CMIP: variants seen among roughly 807,000 people sequenced by gnomAD.
CMIP encodes the protein c-Maf inducing protein, also known as C-Maf-inducing protein.
Under a neutral mutation model 97.3 loss-of-function variants are expected in CMIP, and 13 were observed. The ratio of observed to expected loss-of-function variants is 0.13; its 90% CI spans 0.09 to 0.21. CMIP has a LOEUF of 0.21. CMIP is among the 10% of genes least tolerant of loss of function. The probability of loss-of-function intolerance (pLI) is 1.00; values close to 1 mark genes in which losing one functional copy is unlikely to be tolerated. For synonymous variants in CMIP, 538 were observed against 436.3 expected (o/e 1.23, Z -2.91); for missense variants, 847 against 1,024.9 (o/e 0.83, Z 2.37).
intron 3 of CMIP, among the ~76,000 whole-genome samples, chr16:81,629,791 C>T (rs1043334281): frequency 6.6e-6 from 1 of 152,230 alleles, no homozygotes; most frequent in African/African-American, 2.4e-5. Context: ...CAGAATCGTC[C>T]GTGAAGAGGC....
At chr16:81,588,921 C>G (rs2091424975) in intron 1 of CMIP, among the ~76,000 whole-genome samples, 1 of 152,120 alleles carries the variant, frequency 6.6e-6, no homozygotes, top group South Asian at 2.1e-4. Flanking sequence ...AACTGGCTCT[C>G]TAGCTGGGAG....
intron 1 of CMIP, chr16:81,476,458 G>A: frequency 7.0e-6 from 6 of 860,348 alleles, no homozygotes; most frequent in African/African-American, 4.8e-5. Context: ...CAGCTCGAAG[G>A]AGATGCGGCC....
chr16:81,581,898 T>G (rs1385642574), intron 1 of CMIP, among the ~76,000 whole-genome samples: 1 of 152,144 alleles, frequency 6.6e-6, no homozygotes, highest in Non-Finnish European at 1.5e-5. Context: ...TCTAAAGAAA[T>G]ACCTGAGACT....
chr16:81,519,350 G>C (rs888070341), intron 1 of CMIP: 1 of 152,240 alleles, frequency 6.6e-6, no homozygotes, highest in Admixed American at 6.5e-5. Flanking sequence ...ATTTTTGCTA[G>C]TACTTGCTAA....
chr16:81,597,366 A>G (rs2091574597), intron 1 of CMIP, among the ~76,000 whole-genome samples: 2 of 152,116 alleles, frequency 1.3e-5, no homozygotes, highest in Non-Finnish European at 2.9e-5. Context: ...TTAACTTACT[A>G]GTTGCCTGTA....
In CMIP at chr16:81,710,287, C is replaced by T. The variant is rs958709267; in HGVS notation, c.*488C>T. ...CACATCACTGCACCCGTCCTGTGTC[C>T]TCACCATTGCTATGCAAAGTGATTC... is the stretch of plus-strand genomic sequence containing the variant. On this transcript the variant is annotated 3_prime_UTR_variant, in exon 21 of 21. Coordinates refer to ENST00000537098, the MANE Select transcript of CMIP (RefSeq NM_198390.3). 5.9e-6 allele frequency: 1 copy of T among 169,014 alleles called. No individual in the cohort carries two copies. Among genetic ancestry groups the T allele is most frequent in the African/African-American group, 2.4e-5 (1 of 42,018 alleles). 10.5% of individuals were successfully genotyped at this position (169,014 alleles called of 1,614,324 possible).
Position 81,566,799 on chromosome 16 carries a change from A to G in CMIP, c.301-40768A>G, listed in dbSNP as rs916422630. Among the ~76,000 whole-genome samples the G allele has an allele frequency of 2.0e-5, 3 of 152,256 alleles. No individual in the cohort carries two copies. In the East Asian group the frequency reaches 5.8e-4, roughly 29 times the overall value. On this transcript the variant is annotated intron_variant, in intron 1 of 20. Coordinates refer to ENST00000537098, the MANE Select transcript of CMIP (RefSeq NM_198390.3). ...GATAAACCAATTGTGGCATAGTTATACAATGGAGTACTACACAGCAATGAA... is the reference window on the plus strand; with the variant it reads ...GATAAACCAATTGTGGCATAGTTATGCAATGGAGTACTACACAGCAATGAA...
At chr16:81,562,271 C>T (rs1184812790) in intron 1 of CMIP, among the ~76,000 whole-genome samples, 3 of 152,228 alleles carry the variant, frequency 2.0e-5, no homozygotes, top group African/African-American at 7.2e-5. Context: ...CACACTGAGG[C>T]TCCGCAGAGG....
At chr16:81,456,648 A>C (rs1396001809) in intron 1 of CMIP, among the ~76,000 whole-genome samples, 2 of 152,122 alleles carry the variant, frequency 1.3e-5, no homozygotes, top group Non-Finnish European at 2.9e-5. Context: ...CGGAGAGGAG[A>C]GGTCCCTACT....
At chr16:81,557,985 A>G (rs1033662663) in intron 1 of CMIP, among the ~76,000 whole-genome samples, 11 of 152,074 alleles carry the variant, frequency 7.2e-5, no homozygotes, top group African/African-American at 2.4e-4. Flanking sequence ...CTACCATTCT[A>G]TGCTCTGTCT....
At chr16:81,496,735 G>A (rs548403893) in intron 1 of CMIP, among the ~76,000 whole-genome samples, 4 of 152,316 alleles carry the variant, frequency 2.6e-5, no homozygotes, top group Admixed American at 6.5e-5. Flanking sequence ...AGCCCCCTGC[G>A]GACCCTGGAC....
chr16:81,507,366 G>A (rs1283031740), intron 1 of CMIP, among the ~76,000 whole-genome samples: 1 of 152,208 alleles, frequency 6.6e-6, no homozygotes, highest in African/African-American at 2.4e-5. Flanking sequence ...ACTGGGATAT[G>A]TGCAGCCTGT....
At chr16:81,455,437 T>G (rs1212470250) in intron 1 of CMIP, among the ~76,000 whole-genome samples, 1 of 152,228 alleles carries the variant, frequency 6.6e-6, no homozygotes, top group Non-Finnish European at 1.5e-5. Context: ...AGGTCCGTCC[T>G]GTTGGAAGGG....
chr16:81,684,054 C>G (rs1392227060), intron 10 of CMIP, among the ~76,000 whole-genome samples: 1 of 152,222 alleles, frequency 6.6e-6, no homozygotes, highest in African/African-American at 2.4e-5. Flanking sequence ...AGCCACCACG[C>G]CCAGCCTGTT....
In CMIP at chr16:81,607,595, C is replaced by T. The variant is rs1299870490; in HGVS notation, c.329C>T (p.Ser110Phe). 3.1e-6 allele frequency: 5 copies of T among 1,613,892 alleles called. No individual in the cohort carries two copies. The highest frequency in any genetic ancestry group is 2.7e-5 in the African/African-American group (2 of 74,942). The change falls in exon 2 of 21, where the codon TCC becomes TTC. Residue 110 changes from serine (S) to phenylalanine (F), a missense_variant. Physicochemically the swap from Ser to Phe is radical, Grantham distance 155. Transcript: ENST00000537098. ...TPTGYMENSV[S>F]YSAIEDVQLL... ...ACTGGGTACATGGAAAACTCAGTCTCCTACAGCGCAATTGAAGACGTTCAG... is the reference window on the plus strand; with the variant it reads ...ACTGGGTACATGGAAAACTCAGTCTTCTACAGCGCAATTGAAGACGTTCAG...
rs753315231 is a variant in CMIP at position 81,445,353 on chromosome 16, G to T, written c.112G>T (p.Val38Leu). 6.2e-7 allele frequency: 1 copy of T among 1,601,176 alleles called. No homozygotes were observed. The highest frequency in any genetic ancestry group is 1.7e-5 in the Admixed American group (1 of 58,348). The change falls in exon 1 of 21, where the codon GTG becomes TTG. Residue 38 changes from valine to leucine, a missense_variant. Physicochemically the swap from Val to Leu is conservative, Grantham distance 32 (BLOSUM62 1). Transcript: ENST00000537098. ...CCCCGAAGGCACGAAGATGGGCGCC[G>T]TGCCCTGCCGCCGGGCTCTTCTGCT... ...SAPEGTKMGAVPCRRALLLCN... is the reference protein window; with the variant it reads ...SAPEGTKMGALPCRRALLLCN...
rs2091762627 is a variant in CMIP, at chr16:81,607,464, C to T, written c.301-103C>T. On this transcript the variant is annotated intron_variant, in intron 1 of 20. Coordinates refer to ENST00000537098, the MANE Select transcript of CMIP (RefSeq NM_198390.3). ...TGAGCTCCTGCACCAGCTCCATTTG[C>T]CTGTCGCCAGAGGGGCGATGTTTCC... 8 of 1,446,376 alleles carry T rather than the reference C, an allele frequency of 5.5e-6. No individual in the cohort carries two copies. In the Admixed American group the frequency reaches 1.4e-4, roughly 26 times the overall value. 89.6% of individuals were successfully genotyped at this position (1,446,376 alleles called of 1,614,324 possible).
At chr16:81,555,762 T>C (rs2090750228) in intron 1 of CMIP, among the ~76,000 whole-genome samples, 1 of 152,152 alleles carries the variant, frequency 6.6e-6, no homozygotes. Flanking sequence ...ATCTCCAGCA[T>C]AGATGAAACC....
chr16:81,694,601 C>A (rs75833087), intron 13 of CMIP, among the ~76,000 whole-genome samples: 2,136 of 152,290 alleles, frequency 0.014, 38 homozygotes, highest in African/African-American at 0.049. Context: ...TTCTAGAGTA[C>A]TTGTTCTCAA....
Sources: gnomAD v4.1 joint callset for allele counts (sites outside exome capture counted in the v4.1 genomes callset) on GRCh38, gnomAD v4.1.1 for gene constraint, MANE v1.5 for transcripts, NCBI Gene and HGNC (gene_info 2026-07-23, HGNC 2026-07-21) for gene names.